Variants in RGS7 observed in about 807,000 individuals in gnomAD.
RGS7 encodes the protein regulator of G protein signaling 7.
A neutral mutation model predicts 81.1 loss-of-function variants in RGS7; 27 were observed. That is an observed-to-expected ratio of 0.33 (90% confidence interval 0.25 to 0.46). The LOEUF (loss-of-function observed/expected upper bound fraction) is 0.46, where lower values mean the gene tolerates loss of function less well. RGS7 is among the 20% of genes least tolerant of loss of function. RGS7 has a pLI of 1.00. For synonymous variants in RGS7, 208 were observed against 207.7 expected (o/e 1.00, Z -0.01); for missense variants, 396 against 607.4 (o/e 0.65, Z 3.66).
intron 6 of RGS7, among the ~76,000 whole-genome samples, chr1:240,889,148 G>A (rs1211397533): frequency 1.3e-5 from 2 of 152,032 alleles, no homozygotes; most frequent in African/African-American, 2.4e-5. Context: ...GTAGAGATGG[G>A]GTTTCACCAC....
At chr1:241,292,904 T>C (rs1023194269) in intron 2 of RGS7, among the ~76,000 whole-genome samples, 1 of 152,222 alleles carries the variant, frequency 6.6e-6, no homozygotes, top group African/African-American at 2.4e-5. Context: ...AGAGTTCAAA[T>C]AAATTACAAT....
intron 3 of RGS7, among the ~76,000 whole-genome samples, chr1:241,027,002 A>C (rs2059820391): frequency 6.6e-6 from 1 of 151,382 alleles, no homozygotes; most frequent in Admixed American, 6.6e-5. Flanking sequence ...TTCCAGCCTC[A>C]GCAACATAAA....
chr1:241,223,256 A>G (rs1267953740), intron 2 of RGS7, among the ~76,000 whole-genome samples: 1 of 152,202 alleles, frequency 6.6e-6, no homozygotes, highest in Non-Finnish European at 1.5e-5. Flanking sequence ...AGTCACAACC[A>G]CAAATTTCAG....
intron 18 of RGS7, among the ~76,000 whole-genome samples, chr1:240,779,495 C>T (rs1284648254): frequency 7.1e-6 from 1 of 140,472 alleles, no homozygotes; most frequent in Non-Finnish European, 1.5e-5. Context: ...CTTGTTTGCC[C>T]CTCCCACCAG....
At chr1:240,956,864 C>T (rs548031359) in intron 4 of RGS7, among the ~76,000 whole-genome samples, 3 of 151,294 alleles carry the variant, frequency 2.0e-5, no homozygotes, top group African/African-American at 4.8e-5. Context: ...AAAAAAAAAA[C>T]GTTAAACAAA....
At chr1:240,986,071 G>A (rs1469407808) in intron 3 of RGS7, among the ~76,000 whole-genome samples, 1 of 151,900 alleles carries the variant, frequency 6.6e-6, no homozygotes, top group Non-Finnish European at 1.5e-5. Context: ...TGATTTTGGA[G>A]CCCTCAAAGT....
At chr1:241,235,542 C>T (rs1423171745) in intron 2 of RGS7, among the ~76,000 whole-genome samples, 1 of 152,166 alleles carries the variant, frequency 6.6e-6, no homozygotes, top group Non-Finnish European at 1.5e-5. Context: ...TTCTGTTTTT[C>T]ATTCTGATTG....
chr1:241,140,110 G>T (rs776073850), intron 2 of RGS7, among the ~76,000 whole-genome samples: 2 of 152,166 alleles, frequency 1.3e-5, no homozygotes, highest in Non-Finnish European at 2.9e-5. Context: ...TTTGTACCAG[G>T]ATCCCTTGTG....
intron 2 of RGS7, among the ~76,000 whole-genome samples, chr1:241,292,891 AG>A (rs2148458716): frequency 6.6e-6 from 1 of 152,388 alleles, no homozygotes; most frequent in African/African-American, 2.4e-5. Flanking sequence ...GACACAAATC[AG>A]AAGAGTTCAA....
intron 2 of RGS7, among the ~76,000 whole-genome samples, chr1:241,148,207 T>C (rs1031829523): frequency 2.0e-5 from 3 of 151,896 alleles, no homozygotes; most frequent in African/African-American, 7.3e-5. Flanking sequence ...TGTGCTACAA[T>C]GCCCAGCTAA....
At chr1:241,131,104 T>A (rs925097165) in intron 2 of RGS7, among the ~76,000 whole-genome samples, 1 of 152,118 alleles carries the variant, frequency 6.6e-6, no homozygotes, top group African/African-American at 2.4e-5. Flanking sequence ...TTTTTTTTAA[T>A]GAGTAAAATG....
chr1:241,049,836 G>C (rs1161521582), intron 3 of RGS7, among the ~76,000 whole-genome samples: 1 of 152,188 alleles, frequency 6.6e-6, no homozygotes, highest in African/African-American at 2.4e-5. Context: ...CCTTGGGACA[G>C]ACGCATGAAA....
chr1:240,998,556 G>T, intron 3 of RGS7: 1 of 844,726 alleles, frequency 1.2e-6, no homozygotes, highest in Non-Finnish European at 2.0e-6. Flanking sequence ...GCGGGCAGAA[G>T]CTCCTGCTGG....
chr1:241,295,101 C>A (rs1404319380), intron 2 of RGS7, among the ~76,000 whole-genome samples: 1 of 152,142 alleles, frequency 6.6e-6, no homozygotes, highest in Non-Finnish European at 1.5e-5. Flanking sequence ...TTTCTTCCAA[C>A]CTTTCTGTGA....
At chr1:241,071,130 A>T (rs1413172451) in intron 3 of RGS7, among the ~76,000 whole-genome samples, 2 of 152,160 alleles carry the variant, frequency 1.3e-5, no homozygotes, top group African/African-American at 4.8e-5. Flanking sequence ...CTGGAGGAAC[A>T]TACTCTTCAT....
Position 241,147,780 on chromosome 1 carries a change from T to TTTTA in RGS7, c.79-49019_79-49018insTAAA, listed in dbSNP as rs1428939736. Among the ~76,000 whole-genome samples the TTTTA allele has an allele frequency of 1.2e-3, 53 of 44,644 alleles. 2 individuals carry two copies. The highest frequency in any genetic ancestry group is 2.4e-3 in the South Asian group (2 of 822). 29.3% of individuals were successfully genotyped at this position (44,644 alleles called of 152,430 possible). On this transcript the variant is annotated intron_variant, in intron 2 of 18. Coordinates refer to ENST00000440928, the MANE Select transcript of RGS7 (RefSeq NM_001364886.1). The stretch of plus-strand genomic sequence containing the variant: ...TTAAATATCCCATCTAGATTAAGTT[T>TTTTA]TATATATATATATATATATATATAT...
chr1:240,853,767 T>TA (rs960243034), intron 9 of RGS7, among the ~76,000 whole-genome samples: 2 of 151,022 alleles, frequency 1.3e-5, no homozygotes, highest in African/African-American at 2.4e-5. Context: ...CCGGGCGTGG[T>TA]GCGGGCACCT....
intron 6 of RGS7, among the ~76,000 whole-genome samples, chr1:240,913,674 A>G (rs540694912): frequency 1.2e-3 from 188 of 152,218 alleles, no homozygotes; most frequent in African/African-American, 4.5e-3. Context: ...AAAGTCCATC[A>G]CTTCCACAAA....
chr1:240,862,903 G>A (rs1346126370), intron 9 of RGS7, among the ~76,000 whole-genome samples: 6 of 149,242 alleles, frequency 4.0e-5, no homozygotes, highest in Non-Finnish European at 8.9e-5. Flanking sequence ...TTTTTTTTAC[G>A]AATAATTTCT....
Sources: gnomAD v4.1 joint callset for allele counts (sites outside exome capture counted in the v4.1 genomes callset) on GRCh38, gnomAD v4.1.1 for gene constraint, MANE v1.5 for transcripts, NCBI Gene and HGNC (gene_info 2026-07-23, HGNC 2026-07-21) for gene names.